FANCB: variants seen among roughly 807,000 people sequenced by gnomAD.
FANCB encodes the protein Fanconi anemia group B protein.
FANCB carries 5 observed loss-of-function variants against 38.9 expected under a neutral mutation model. The observed-to-expected ratio is 0.13, with a 90% CI of 0.07 to 0.27. The LOEUF (loss-of-function observed/expected upper bound fraction) is 0.27. Among genes scored for constraint, FANCB ranks in the 10% least tolerant of loss-of-function variants. The probability of loss-of-function intolerance (pLI) is 1.00; values close to 1 mark genes in which losing one functional copy is unlikely to be tolerated. For synonymous variants in FANCB, 236 were observed against 215.4 expected (o/e 1.10, Z -0.84); for missense variants, 573 against 602.7 (o/e 0.95, Z 0.52).
chrX:14,698,051 A>G, the FANCB span, among the ~76,000 whole-genome samples: 25,699 of 110,963 alleles, frequency 0.23, 2,255 homozygotes, highest in Non-Finnish European at 0.26. Context: ...CTCAATTTAC[A>G]GATGAGGAAA....
intron 1 of FANCB, among the ~76,000 whole-genome samples, chrX:14,870,246 CAT>C (rs1196210580): frequency 9.0e-6 from 1 of 111,573 alleles, no homozygotes; most frequent in Non-Finnish European, 1.9e-5. Context: ...AAAATAGAAA[CAT>C]ATCTGGAAAC....
the FANCB span, among the ~76,000 whole-genome samples, chrX:14,762,909 T>C: frequency 8.9e-6 from 1 of 112,729 alleles, no homozygotes; most frequent in African/African-American, 3.2e-5. Flanking sequence ...TTTCATTTTA[T>C]TTACTTTAAC....
At chrX:14,706,035 G>A in the FANCB span, among the ~76,000 whole-genome samples, 1 of 77,910 alleles carries the variant, frequency 1.3e-5, no homozygotes, top group Non-Finnish European at 2.9e-5. Context: ...AGACACCTGG[G>A]AGCTTTTTAA....
chrX:14,801,889 A>C, the FANCB span, among the ~76,000 whole-genome samples: 1 of 111,127 alleles, frequency 9.0e-6, no homozygotes, highest in African/African-American at 3.3e-5. Flanking sequence ...AGTCCCGAGA[A>C]AACATAAACA....
At chrX:14,700,138 T>C in the FANCB span, among the ~76,000 whole-genome samples, 30 of 111,404 alleles carry the variant, frequency 2.7e-4, no homozygotes, top group African/African-American at 9.5e-4. Flanking sequence ...GAGATGGAGG[T>C]AGCGATGTCC....
chrX:14,863,897 G>A (rs1019777379), intron 3 of FANCB, among the ~76,000 whole-genome samples: 1 of 112,159 alleles, frequency 8.9e-6, no homozygotes, highest in Non-Finnish European at 1.9e-5. Context: ...CACTTTGGGA[G>A]GCCGAGGCAG....
intron 7 of FANCB, among the ~76,000 whole-genome samples, chrX:14,847,196 T>C (rs1601980207): frequency 9.0e-6 from 1 of 110,913 alleles, no homozygotes; most frequent in African/African-American, 3.3e-5. Context: ...CACCACACTA[T>C]TCTCCTTGTA....
At position 14,837,927 on chromosome X, in the gene FANCB, T is replaced by C. The variant is rs754965703; in HGVS notation, c.*1567-1672A>G. Reference sequence around the variant, plus strand: ...AGTTAATAGTATACATCTTATAACATCATTGCCTAATATAACTTTCTGTGA... The same window carrying C: ...AGTTAATAGTATACATCTTATAACACCATTGCCTAATATAACTTTCTGTGA... On this transcript the variant is annotated intron_variant and NMD_transcript_variant, in intron 10 of 10. Coordinates refer to the FANCB transcript ENST00000643728. 9.8e-5 allele frequency among the ~76,000 whole-genome samples: 11 copies of C among 112,346 alleles called. No homozygotes were observed. In the South Asian group the frequency reaches 4.1e-3, roughly 42 times the overall value.
At chrX:14,691,324 T>TGCGC in the FANCB span, among the ~76,000 whole-genome samples, 2 of 64,345 alleles carry the variant, frequency 3.1e-5, no homozygotes, top group African/African-American at 6.6e-5. Context: ...TGTGTGTGTG[T>TGCGC]GCGCGCGTGC....
chrX:14,781,566 T>G, the FANCB span, among the ~76,000 whole-genome samples: 2 of 111,983 alleles, frequency 1.8e-5, no homozygotes, highest in East Asian at 2.8e-4. Flanking sequence ...GTCCCTTCAC[T>G]TCAGGTTCCC....
the FANCB span, among the ~76,000 whole-genome samples, chrX:14,756,681 G>C: frequency 4.5e-5 from 5 of 111,187 alleles, no homozygotes; most frequent in South Asian, 3.8e-4. Context: ...TGAGAAGCTC[G>C]GGCAGCGGTC....
At chrX:14,829,211 T>C in the FANCB span, among the ~76,000 whole-genome samples, 233 of 112,163 alleles carry the variant, frequency 2.1e-3, no homozygotes, top group Non-Finnish European at 3.6e-3. Context: ...GAAATCTTTT[T>C]GTTCTGAGCA....
chrX:14,698,581 G>A, the FANCB span, among the ~76,000 whole-genome samples: 4 of 104,070 alleles, frequency 3.8e-5, no homozygotes, highest in East Asian at 9.0e-4. Context: ...ATGAGGCTGA[G>A]GCAGGAGAAT....
chrX:14,723,111 T>G, the FANCB span, among the ~76,000 whole-genome samples: 1 of 112,244 alleles, frequency 8.9e-6, no homozygotes, highest in African/African-American at 3.2e-5. Flanking sequence ...CCAGCTGAGA[T>G]CTCTCTGAGT....
chrX:14,697,190 CACT>C, the FANCB span, among the ~76,000 whole-genome samples: 5 of 111,883 alleles, frequency 4.5e-5, no homozygotes, highest in South Asian at 1.5e-3. Context: ...ATTTAATCAC[CACT>C]ACAACTGTGT....
the FANCB span, among the ~76,000 whole-genome samples, chrX:14,804,751 C>T: frequency 3.6e-5 from 4 of 112,367 alleles, no homozygotes; most frequent in African/African-American, 1.3e-4. Flanking sequence ...CTACCCATAG[C>T]AGATAGACAT....
In FANCB at chrX:14,844,524, C is replaced by A. The variant is rs1389308960; in HGVS notation, c.2144G>T (p.Gly715Val). The A allele has an allele frequency of 8.3e-7, 1 of 1,197,612 alleles. No homozygotes were observed. The highest frequency in any genetic ancestry group is 3.0e-5 in the East Asian group (1 of 33,792). Reference sequence around the variant, plus strand: ...TTACCTGGAATAGATTATTAAAATCCCTTCGAATGGTGTTCTCTGTTTCCA... The same window carrying A: ...TTACCTGGAATAGATTATTAAAATCACTTCGAATGGTGTTCTCTGTTTCCA... ...FTWKQRTPFE[G>V]ILIIYSRNQT... The change falls in exon 9 of 10, where the codon GGG becomes GTG. Residue 715 changes from glycine (G) to valine (V), a missense_variant. Coordinates refer to ENST00000650831, the MANE Select transcript of FANCB (RefSeq NM_001018113.3).
At chrX:14,860,539 G>A (rs1252994905) in intron 3 of FANCB, among the ~76,000 whole-genome samples, 1 of 112,044 alleles carries the variant, frequency 8.9e-6, no homozygotes, top group Non-Finnish European at 1.9e-5. Flanking sequence ...AAAGGTAAGT[G>A]AGCCCCAAAT....
At chrX:14,853,298 T>C in intron 5 of FANCB, 131 bp from the exon 6 acceptor site, 1 of 563,527 alleles carries the variant, frequency 1.8e-6, no homozygotes, top group Non-Finnish European at 2.8e-6. Flanking sequence ...AAAATACTTC[T>C]CAGAGCAAAA....
Sources: allele counts gnomAD v4.1 joint callset (sites outside exome capture counted in the v4.1 genomes callset), GRCh38; gene constraint gnomAD v4.1.1; transcripts MANE v1.5; gene names NCBI Gene and HGNC (gene_info 2026-07-23, HGNC 2026-07-21).